NALCN: variants seen among roughly 807,000 people sequenced by gnomAD.
NALCN encodes sodium leak channel, non-selective, also known as sodium leak channel NALCN.
A neutral mutation model predicts 225.3 loss-of-function variants in NALCN; 111 were observed. That is an observed-to-expected ratio of 0.49 (90% CI 0.42 to 0.58). The LOEUF is 0.58. Among genes scored for constraint, NALCN ranks in the 20% least tolerant of loss-of-function variants. NALCN has a pLI of 0.00. For synonymous variants in NALCN, 764 were observed against 769.0 expected (o/e 0.99, Z 0.11); for missense variants, 1,378 against 2,202.4 (o/e 0.63, Z 7.49).
At chr13:101,337,903 G>C (rs2139267161) in intron 7 of NALCN, among the ~76,000 whole-genome samples, 1 of 152,286 alleles carries the variant, frequency 6.6e-6, no homozygotes, top group African/African-American at 2.4e-5. Flanking sequence ...GGCTCTGGGA[G>C]AGTTCATTCT....
rs1288675333 is a variant in NALCN at position 101,156,640 on chromosome 13, C to T, written c.1840-11744G>A. Among the ~76,000 whole-genome samples the T allele has an allele frequency of 2.0e-5, 3 of 152,084 alleles. No individual in the cohort carries two copies. The East Asian group carries it at 5.8e-4, about 29-fold the overall frequency. On this transcript the variant is annotated intron_variant, in intron 15 of 43. Transcript: ENST00000251127. ...CCCACAGGTTCTCCTGTGGCATCTC[C>T]CCTCTGCTCATTTATAACTTCTTTC...
At chr13:101,186,217 T>C (rs1445957938) in intron 14 of NALCN, among the ~76,000 whole-genome samples, 1 of 152,232 alleles carries the variant, frequency 6.6e-6, no homozygotes, top group Non-Finnish European at 1.5e-5. Context: ...CAAGTAGCAA[T>C]GTACACATGC....
At chr13:101,186,827 A>G (rs2039468410) in intron 14 of NALCN, among the ~76,000 whole-genome samples, 1 of 152,188 alleles carries the variant, frequency 6.6e-6, no homozygotes, top group Non-Finnish European at 1.5e-5. Flanking sequence ...ACTAGTAAGT[A>G]GAGATGAGCT....
intron 13 of NALCN, among the ~76,000 whole-genome samples, chr13:101,207,250 C>A (rs546295358): frequency 2.0e-5 from 3 of 152,306 alleles, no homozygotes; most frequent in Non-Finnish European, 2.9e-5. Context: ...TGCTTCCTTG[C>A]CAGCAGTGTG....
intron 11 of NALCN, among the ~76,000 whole-genome samples, chr13:101,252,087 T>C (rs1168946047): frequency 6.6e-6 from 1 of 152,210 alleles, no homozygotes; most frequent in East Asian, 1.9e-4. Flanking sequence ...TGCCACAAAT[T>C]TTAGGTATAC....
chr13:101,361,546 T>C (rs797003582), intron 6 of NALCN, among the ~76,000 whole-genome samples: 1 of 152,170 alleles, frequency 6.6e-6, no homozygotes, highest in Non-Finnish European at 1.5e-5. Flanking sequence ...ACTGAACAAG[T>C]TACAACTGAA....
intron 13 of NALCN, among the ~76,000 whole-genome samples, chr13:101,213,106 C>T (rs2040590773): frequency 6.6e-6 from 1 of 152,042 alleles, no homozygotes; most frequent in Admixed American, 6.6e-5. Flanking sequence ...GAGATATAGA[C>T]CAATGGAATA....
chr13:101,387,314 A>G (rs1352647371), intron 3 of NALCN, among the ~76,000 whole-genome samples: 1 of 150,992 alleles, frequency 6.6e-6, no homozygotes, highest in African/African-American at 2.4e-5. Context: ...ACACTTTTCC[A>G]CCCAGAACAC....
At chr13:101,216,140 A>G (rs2040721909) in intron 13 of NALCN, among the ~76,000 whole-genome samples, 1 of 152,118 alleles carries the variant, frequency 6.6e-6, no homozygotes. Context: ...AATGTATTAT[A>G]TATGCAATAT....
At chr13:101,083,519 T>C (rs1248704027) in intron 31 of NALCN, among the ~76,000 whole-genome samples, 192 bp downstream of exon 31, 3 of 152,210 alleles carry the variant, frequency 2.0e-5, no homozygotes. Flanking sequence ...CTGAGAGCAC[T>C]GAAGCACAGC....
intron 18 of NALCN, 124 bp downstream of exon 18, chr13:101,124,484 A>G (rs1300376123): frequency 3.6e-6 from 3 of 831,472 alleles, no homozygotes; most frequent in Non-Finnish European, 5.7e-6. Context: ...AGATACTCAA[A>G]GCTACTTTCT....
At chr13:101,204,479 G>A (rs1406255806) in intron 13 of NALCN, among the ~76,000 whole-genome samples, 2 of 152,128 alleles carry the variant, frequency 1.3e-5, no homozygotes, top group Admixed American at 6.5e-5. Flanking sequence ...CTAAGGAAAA[G>A]TCTTCTGAAT....
chr13:101,126,322 T>C (rs1246554219), intron 17 of NALCN, among the ~76,000 whole-genome samples: 1 of 152,140 alleles, frequency 6.6e-6, no homozygotes, highest in Non-Finnish European at 1.5e-5. Flanking sequence ...CGGAATTGGT[T>C]TCATTATTCA....
At chr13:101,315,049 C>T (rs569091365) in intron 7 of NALCN, among the ~76,000 whole-genome samples, 33 of 146,750 alleles carry the variant, frequency 2.2e-4, no homozygotes, top group African/African-American at 7.0e-4. Context: ...AGGAATAAAA[C>T]GTAATACAAA....
In NALCN at chr13:101,399,176, GA is replaced by G; in HGVS notation, c.-39-12del. 2 of 1,605,618 alleles carry G rather than the reference GA, an allele frequency of 1.2e-6. No homozygotes were observed. Among genetic ancestry groups the G allele is most frequent in the South Asian group, 1.1e-5 (1 of 90,314 alleles). ...GCACAAAACCACAGTCTGGGAAAAG[GA>G]AAAGTTGTATTTGTCATCTAAACCA... On this transcript the variant is annotated splice_polypyrimidine_tract_variant and intron_variant, in intron 1 of 43. Transcript: ENST00000251127.
intron 14 of NALCN, among the ~76,000 whole-genome samples, chr13:101,183,711 C>T (rs1329536709): frequency 2.0e-5 from 3 of 152,064 alleles, no homozygotes; most frequent in Non-Finnish European, 2.9e-5. Context: ...CCACCCGCCT[C>T]GGCCTCCCAA....
intron 2 of NALCN, among the ~76,000 whole-genome samples, chr13:101,397,128 A>ATG (rs761811840): frequency 0.067 from 9,291 of 139,268 alleles, 1,337 homozygotes; most frequent in African/African-American, 0.23. Flanking sequence ...ATACATATAT[A>ATG]TAATGTGTGC....
In NALCN at chr13:101,104,458, T is replaced by C; in HGVS notation, c.2758-32A>G. On this transcript the variant is annotated intron_variant, in intron 24 of 43. Coordinates refer to ENST00000251127, the MANE Select transcript of NALCN (RefSeq NM_052867.4). This position sits in a 1 kb window ranked among gnomAD's most constrained non-coding sequence, Gnocchi z 4.2. ...CGGGCAAAAGGCAGTTTGGTTACAATGAACGGAAAAACAGCAGGTCAGTAT... is the reference window on the plus strand; with the variant it reads ...CGGGCAAAAGGCAGTTTGGTTACAACGAACGGAAAAACAGCAGGTCAGTAT... The C allele has an allele frequency of 1.9e-6, 3 of 1,612,570 alleles. No individual in the cohort carries two copies. Among genetic ancestry groups the C allele is most frequent in the Non-Finnish European group, 2.5e-6 (3 of 1,178,894 alleles).
At chr13:101,103,641 C>G (rs1274683718) in intron 25 of NALCN, among the ~76,000 whole-genome samples, 4 of 152,188 alleles carry the variant, frequency 2.6e-5, no homozygotes, top group African/African-American at 9.6e-5. Flanking sequence ...TGATGTCGAT[C>G]TGGCTGGAAT....
Sources: gnomAD v4.1 joint callset for allele counts (sites outside exome capture counted in the v4.1 genomes callset) on GRCh38, gnomAD v4.1.1 for gene constraint, Gnocchi (gnomAD v3.1) non-coding constraint, MANE v1.5 for transcripts, NCBI Gene and HGNC (gene_info 2026-07-23, HGNC 2026-07-21) for gene names.